The following AGO2 variants were observed in gnomAD, a reference collection of about 807,000 sequenced individuals.
AGO2 encodes argonaute RISC catalytic component 2, also known as protein argonaute-2.
AGO2 carries 5 observed loss-of-function variants against 102.3 expected under a neutral mutation model. The ratio of observed to expected loss-of-function variants is 0.05; its 90% CI spans 0.03 to 0.10. The LOEUF (loss-of-function observed/expected upper bound fraction) is 0.10. AGO2 is among the 10% of genes least tolerant of loss of function. AGO2 has a pLI of 1.00. For missense variants in AGO2, 541 were observed against 1,183.7 expected, an observed-to-expected ratio of 0.46 and a Z score of 7.97; for synonymous variants, 449 against 473.1, an observed-to-expected ratio of 0.95 and a Z score of 0.66.
intron 1 of AGO2, among the ~76,000 whole-genome samples, chr8:140,624,318 T>C (rs1306473424): frequency 6.6e-6 from 1 of 152,082 alleles, no homozygotes; most frequent in Non-Finnish European, 1.5e-5. Flanking sequence ...CGAGTCCCCA[T>C]TTGTAGAAGT....
chr8:140,579,679 T>C (rs1228989112), intron 2 of AGO2, among the ~76,000 whole-genome samples: 2 of 151,986 alleles, frequency 1.3e-5, no homozygotes, highest in African/African-American at 4.8e-5. Flanking sequence ...TTTTTTTTTT[T>C]CAGAGTAGTC....
intron 1 of AGO2, among the ~76,000 whole-genome samples, chr8:140,611,362 C>G (rs2074076754): frequency 6.6e-6 from 1 of 151,158 alleles, no homozygotes; most frequent in East Asian, 1.9e-4. Flanking sequence ...GAGACTCGCT[C>G]TGTTGCCCAG....
chr8:140,533,000 CAA>C lies in AGO2; in HGVS notation c.2272-387_2272-386del, dbSNP rs35812545. On this transcript the variant is annotated intron_variant, in intron 17 of 18. Coordinates refer to ENST00000220592, the MANE Select transcript of AGO2 (RefSeq NM_012154.5). ...GCAACAGAGAGAGACTCCTCTGTCT[CAA>C]AAAAAAAAAAAAAGCATCATAACTA... Among the ~76,000 whole-genome samples the C allele has an allele frequency of 2.3e-3, 256 of 111,902 alleles. 3 individuals are homozygous for C. In the East Asian group the frequency reaches 0.028, roughly 12 times the overall value. 73.4% of individuals were successfully genotyped at this position (111,902 alleles called of 152,430 possible).
intron 1 of AGO2, chr8:140,591,614 A>G (rs574836685): frequency 6.6e-6 from 1 of 152,352 alleles, no homozygotes; most frequent in East Asian, 1.9e-4. Flanking sequence ...AACCATCAAC[A>G]CGGAATTTCC....
Position 140,540,780 on chromosome 8 carries a change from C to T in AGO2, c.2034+384G>A, listed in dbSNP as rs531436315. ...CACACTGCAGACAGGCGTCCCCAGA[C>T]GCAATGAGCTCCCCGCCTCGCAGGG... On this transcript the variant is annotated intron_variant, in intron 15 of 18. Transcript: ENST00000220592. This position sits in a 1 kb window ranked among gnomAD's most constrained non-coding sequence, Gnocchi z 5.0. 2.0e-5 allele frequency among the ~76,000 whole-genome samples: 3 copies of T among 152,184 alleles called. No homozygotes were observed. The highest frequency in any genetic ancestry group is 4.8e-5 in the African/African-American group (2 of 41,448).
At position 140,572,942 on chromosome 8, in the gene AGO2, A is replaced by G. The variant is rs778442707; in HGVS notation, c.216-10T>C. ...GTGTTCCACGATTTCCCTGAAACAA[A>G]GACAAAAGTCGGGCAAAATGTCAAT... On this transcript the variant is annotated splice_polypyrimidine_tract_variant and intron_variant, in intron 2 of 18. Transcript: ENST00000220592. 1 of 1,596,544 alleles carries G rather than the reference A, an allele frequency of 6.3e-7. No individual in the cohort carries two copies. The highest frequency in any genetic ancestry group is 8.5e-7 in the Non-Finnish European group (1 of 1,171,256).
chr8:140,579,926 G>A (rs189489155), intron 2 of AGO2, among the ~76,000 whole-genome samples: 2 of 152,354 alleles, frequency 1.3e-5, no homozygotes, highest in African/African-American at 2.4e-5. Flanking sequence ...CAGGGCCATC[G>A]CATCTGCTGG....
At chr8:140,594,932 A>G (rs1459504101) in intron 1 of AGO2, among the ~76,000 whole-genome samples, 1 of 152,214 alleles carries the variant, frequency 6.6e-6, no homozygotes, top group Non-Finnish European at 1.5e-5. Flanking sequence ...AAACGTACAT[A>G]TACAGAGTTT....
intron 15 of AGO2, 21 bp downstream of exon 15, chr8:140,541,143 A>C: frequency 6.5e-7 from 1 of 1,527,680 alleles, no homozygotes; most frequent in Non-Finnish European, 8.8e-7. Flanking sequence ...AAGGGGAGGG[A>C]AGGTTCCAAG....
chr8:140,533,191 C>T (rs574394625), intron 17 of AGO2, among the ~76,000 whole-genome samples: 1 of 149,584 alleles, frequency 6.7e-6, no homozygotes, highest in African/African-American at 2.5e-5. Flanking sequence ...AGATCGAGAC[C>T]ATCCTGGCTA....
At chr8:140,551,565 G>T in intron 10 of AGO2, 129 bp from the exon 11 acceptor site, 7 of 1,066,480 alleles carry the variant, frequency 6.6e-6, no homozygotes, top group Non-Finnish European at 8.6e-6. Flanking sequence ...CTTTTGTGTT[G>T]TCTCCTGTCT....
chr8:140,640,785 C>T, the AGO2 span, among the ~76,000 whole-genome samples: 191 of 152,302 alleles, frequency 1.3e-3, no homozygotes, highest in African/African-American at 4.4e-3. Context: ...TCCCAAAGTG[C>T]TAGGATTACA....
Position 140,539,273 on chromosome 8 carries a change from C to T in AGO2, c.2169+47G>A. On this transcript the variant is annotated intron_variant, in intron 16 of 18. Transcript: ENST00000220592. This position sits in a 1 kb window ranked among gnomAD's most constrained non-coding sequence, Gnocchi z 4.7. ...TTGTGAGTGTGCTCGGGGTGTGGGGCTGAGGGGAGAACCGTGCCCCCTGCC... is the reference window on the plus strand; with the variant it reads ...TTGTGAGTGTGCTCGGGGTGTGGGGTTGAGGGGAGAACCGTGCCCCCTGCC... 6.4e-7 allele frequency: 1 copy of T among 1,562,346 alleles called. No homozygotes were observed.
chr8:140,631,268 G>A (rs997643008), intron 1 of AGO2, among the ~76,000 whole-genome samples: 2 of 152,166 alleles, frequency 1.3e-5, no homozygotes, highest in African/African-American at 2.4e-5. Context: ...TAGGCCGGGC[G>A]TGGTGGCTCA....
chr8:140,595,159 G>C (rs2073807521), intron 1 of AGO2, among the ~76,000 whole-genome samples: 2 of 152,144 alleles, frequency 1.3e-5, no homozygotes, highest in Non-Finnish European at 2.9e-5. Flanking sequence ...GACTGAGAAG[G>C]ACTGAAAGGT....
Position 140,564,260 on chromosome 8 carries a change from G to A in AGO2, c.337-1626C>T, listed in dbSNP as rs1588461590. 2.0e-5 allele frequency among the ~76,000 whole-genome samples: 3 copies of A among 150,760 alleles called. No individual in the cohort carries two copies. In the South Asian group the frequency reaches 6.3e-4, roughly 32 times the overall value. On this transcript the variant is annotated intron_variant, in intron 3 of 18. Coordinates refer to ENST00000220592, the MANE Select transcript of AGO2 (RefSeq NM_012154.5). ...AGGAAACCAACAGAGGAAAGGGCCA[G>A]CTTCACTCAACTCATCAGGACAGCG...
intron 1 of AGO2, among the ~76,000 whole-genome samples, chr8:140,609,505 C>T (rs911778570): frequency 6.6e-6 from 1 of 152,230 alleles, no homozygotes; most frequent in African/African-American, 2.4e-5. Context: ...GCTCCCGCAC[C>T]GGCCTCGTCA....
At chr8:140,617,094 C>T (rs1588509537) in intron 1 of AGO2, among the ~76,000 whole-genome samples, 2 of 152,220 alleles carry the variant, frequency 1.3e-5, no homozygotes, top group East Asian at 1.9e-4. Context: ...TCCCCACACA[C>T]CTTGTCAGAC....
chr8:140,532,217 C>A, intron 18 of AGO2, 65 bp from the exon 19 acceptor site: 1 of 1,502,720 alleles, frequency 6.7e-7, no homozygotes, highest in Non-Finnish European at 9.2e-7. Flanking sequence ...GGCAGTGCGT[C>A]GATCACTAAG....
Sources: allele counts gnomAD v4.1 joint callset (sites outside exome capture counted in the v4.1 genomes callset), GRCh38; gene constraint gnomAD v4.1.1; non-coding constraint Gnocchi (gnomAD v3.1); transcripts MANE v1.5; gene names NCBI Gene and HGNC (gene_info 2026-07-23, HGNC 2026-07-21).